C4orf50: variants seen among roughly 807,000 people sequenced by gnomAD.
C4orf50 encodes uncharacterized protein C4orf50.
A neutral mutation model predicts 77.2 loss-of-function variants in C4orf50; 80 were observed. That is an observed-to-expected ratio of 1.04 (90% CI 0.87 to 1.25). The LOEUF (loss-of-function observed/expected upper bound fraction) is 1.25. Among genes scored for constraint, C4orf50 ranks in the 50% most tolerant of loss-of-function variants. C4orf50 has a pLI of 0.00. For missense variants in C4orf50, 1,257 were observed against 1,152.9 expected, an observed-to-expected ratio of 1.09 and a Z score of -1.31; for synonymous variants, 532 against 465.3, an observed-to-expected ratio of 1.14 and a Z score of -1.84.
exon 33 of C4orf50, chr4:5,965,031 G>A (rs1560568445): frequency 6.2e-7 from 1 of 1,612,456 alleles, no homozygotes; most frequent in Non-Finnish European, 8.5e-7. Flanking sequence ...CACCTTCAGA[G>A]AATCCAGTTG....
At chr4:5,953,867 C>T (rs1718833932), downstream of C4orf50, among the ~76,000 whole-genome samples, 1 of 152,236 alleles carries the variant, frequency 6.6e-6, no homozygotes, top group Non-Finnish European at 1.5e-5. Flanking sequence ...GGTGGCAAGG[C>T]TTGGCCAGGA....
chr4:5,992,527 G>A lies in C4orf50; in HGVS notation c.1221+276C>T, dbSNP rs780527137. Among the ~76,000 whole-genome samples, 2 of 152,050 alleles carry A rather than the reference G, an allele frequency of 1.3e-5. No homozygotes were observed. Among genetic ancestry groups the A allele is most frequent in the South Asian group, 2.1e-4 (1 of 4,808 alleles). On this transcript the variant is annotated intron_variant, in intron 27 of 33. Coordinates refer to ENST00000531445, the Ensembl canonical transcript of C4orf50. This position sits in a 1 kb window ranked among gnomAD's most constrained non-coding sequence, Gnocchi z 5.0. ...AGAGCAGAGGTGGCAGCAACACCTC[G>A]TGGGTGTCAGGAGGTGTCAACGAGA...
chr4:6,011,983 G>A lies in C4orf50; in HGVS notation c.288-15C>T, dbSNP rs1471426923. 2.5e-6 allele frequency: 1 copy of A among 398,942 alleles called. No homozygotes were observed. The highest frequency in any genetic ancestry group is 2.1e-5 in the African/African-American group (1 of 48,646). The allele number at this position is 398,942 out of a possible 1,614,324, so 24.7% of individuals were successfully genotyped here. ...GCTCCTGAATTCTGCAGCATGAAAAGCAGGGAGGCACTTGCTCAGGGTGCA... is the reference window on the plus strand; with the variant it reads ...GCTCCTGAATTCTGCAGCATGAAAAACAGGGAGGCACTTGCTCAGGGTGCA... On this transcript the variant is annotated splice_polypyrimidine_tract_variant and intron_variant, in intron 23 of 33. Coordinates refer to ENST00000531445, the Ensembl canonical transcript of C4orf50. This position sits in a 1 kb window ranked among gnomAD's most constrained non-coding sequence, Gnocchi z 4.2.
chr4:6,007,238 G>C lies in C4orf50; in HGVS notation c.963+758C>G, dbSNP rs151162852. On this transcript the variant is annotated intron_variant, in intron 25 of 33. Transcript: ENST00000531445. The surrounding 1 kb of genome is among the most constrained non-coding windows in gnomAD (Gnocchi z 4.1). ...AGTGGGTGGGTGAGTGCTGGGGTCTGAATGGCTGTGTTCCCCACCACCACC... is the reference window on the plus strand; with the variant it reads ...AGTGGGTGGGTGAGTGCTGGGGTCTCAATGGCTGTGTTCCCCACCACCACC... Among the ~76,000 whole-genome samples the C allele has an allele frequency of 2.8e-4, 42 of 152,274 alleles. No individual in the cohort carries two copies. Among genetic ancestry groups the C allele is most frequent in the African/African-American group, 1.0e-3 (42 of 41,552 alleles).
At chr4:5,931,019 C>A (rs961474369) in intron 7 of C4orf50, among the ~76,000 whole-genome samples, 1 of 152,174 alleles carries the variant, frequency 6.6e-6, no homozygotes, top group African/African-American at 2.4e-5. Flanking sequence ...GTCCAGCTGG[C>A]AAAGCTCACA....
chr4:5,935,810 A>T (rs183526500), intron 7 of C4orf50, among the ~76,000 whole-genome samples: 5,065 of 147,468 alleles, frequency 0.034, 158 homozygotes, highest in Non-Finnish European at 0.053. Flanking sequence ...AAAAAAAAAA[A>T]GCCCCAGAGG....
At position 5,988,425 on chromosome 4, in the gene C4orf50, A is replaced by G. The variant is rs1480595921; in HGVS notation, c.3621T>C (p.His1207=). The G allele has an allele frequency of 1.9e-6, 3 of 1,609,204 alleles. No homozygotes were observed. In the South Asian group the frequency reaches 3.3e-5, roughly 18 times the overall value. The change falls in exon 28 of 34, where the codon CAT becomes CAC. Residue 1207 remains histidine, a synonymous_variant. Transcript: ENST00000531445. Reference sequence around the variant, plus strand: ...TGGGCCTCTTCTCCTCTTTCTCCAAATGTGCTTCTTTCACTTCTGCTCCAC... The same window carrying G: ...TGGGCCTCTTCTCCTCTTTCTCCAAGTGTGCTTCTTTCACTTCTGCTCCAC...
chr4:5,981,776 TC>T (rs1720602940), intron 28 of C4orf50, among the ~76,000 whole-genome samples: 1 of 152,032 alleles, frequency 6.6e-6, no homozygotes, highest in Non-Finnish European at 1.5e-5. Flanking sequence ...TGCTAAAAGT[TC>T]CGTTTGTGAA....
intron 23 of C4orf50, among the ~76,000 whole-genome samples, chr4:6,016,464 G>A (rs536275715): frequency 3.4e-4 from 52 of 152,314 alleles, no homozygotes; most frequent in African/African-American, 1.1e-3. Flanking sequence ...CAGGAGAATC[G>A]CTTAAACCCA....
downstream of C4orf50, among the ~76,000 whole-genome samples, chr4:5,953,597 G>T (rs572689722): frequency 5.7e-4 from 87 of 152,278 alleles, no homozygotes; most frequent in African/African-American, 2.0e-3. Flanking sequence ...ATCATCCCAC[G>T]GCAGGACTGT....
At chr4:5,957,298 T>C (rs1443095738) in exon 34 of C4orf50, 1 of 152,278 alleles carries the variant, frequency 6.6e-6, no homozygotes, top group East Asian at 1.9e-4. Flanking sequence ...CCAGATGTGG[T>C]GGCACCACGC....
intron 25 of C4orf50, among the ~76,000 whole-genome samples, chr4:5,996,798 A>C (rs1721611974): frequency 6.6e-6 from 1 of 152,216 alleles, no homozygotes; most frequent in Admixed American, 6.5e-5. Context: ...GGGCCTGGGC[A>C]GCGACATCCT....
chr4:5,904,502 AG>A (rs1716465134), intron 7 of C4orf50: 1 of 152,286 alleles, frequency 6.6e-6, no homozygotes, highest in Non-Finnish European at 1.5e-5. Context: ...GCCCCTCAGT[AG>A]GAACTCAGCC....
At chr4:6,002,657 A>G (rs925339357) in intron 25 of C4orf50, among the ~76,000 whole-genome samples, 5 of 151,744 alleles carry the variant, frequency 3.3e-5, no homozygotes, top group African/African-American at 1.2e-4. Flanking sequence ...GCTTCCCCCC[A>G]CCAGGTGGGC....
intron 7 of C4orf50, among the ~76,000 whole-genome samples, chr4:5,951,339 A>G (rs1355072934): frequency 1.3e-5 from 2 of 151,920 alleles, no homozygotes; most frequent in African/African-American, 4.8e-5. Context: ...GAGGGAATGA[A>G]GGGGGGTGGT....
At chr4:5,941,648 T>C (rs1324750697) in intron 7 of C4orf50, among the ~76,000 whole-genome samples, 1 of 152,234 alleles carries the variant, frequency 6.6e-6, no homozygotes, top group African/African-American at 2.4e-5. Flanking sequence ...ACACGGCTTC[T>C]GCTCTTAAGA....
intron 28 of C4orf50, among the ~76,000 whole-genome samples, chr4:5,985,664 T>C (rs1231333475): frequency 6.6e-6 from 1 of 150,420 alleles, no homozygotes; most frequent in Non-Finnish European, 1.5e-5. Flanking sequence ...ATAGAAAAAA[T>C]AGTAAATAAA....
chr4:6,012,436 G>A (rs1474113010), intron 23 of C4orf50, among the ~76,000 whole-genome samples: 1 of 152,116 alleles, frequency 6.6e-6, no homozygotes, highest in Non-Finnish European at 1.5e-5. Context: ...CTTACTTCCG[G>A]ACTCAGCATT....
At chr4:5,963,769 C>A (rs1719397929) in intron 33 of C4orf50, among the ~76,000 whole-genome samples, 1 of 152,182 alleles carries the variant, frequency 6.6e-6, no homozygotes, top group African/African-American at 2.4e-5. Flanking sequence ...GCTCTGCCTG[C>A]CTGATTTCTC....
Sources: allele counts gnomAD v4.1 joint callset (sites outside exome capture counted in the v4.1 genomes callset), GRCh38; gene constraint gnomAD v4.1.1; non-coding constraint Gnocchi (gnomAD v3.1); transcripts MANE v1.5; gene names NCBI Gene and HGNC (gene_info 2026-07-23, HGNC 2026-07-21).